The following SETD3 variants were observed in gnomAD, a reference collection of about 807,000 sequenced individuals.
SETD3 encodes the protein SET domain containing 3, actin N3(tau)-histidine methyltransferase, also known as actin-histidine N-methyltransferase.
In SETD3, 19 loss-of-function variants were observed where a neutral mutation model predicts 63.0. The observed-to-expected ratio is 0.30, with a 90% CI of 0.21 to 0.44. The LOEUF (loss-of-function observed/expected upper bound fraction) is 0.44, where lower values mean the gene tolerates loss of function less well. SETD3 is among the 20% of genes least tolerant of loss of function. The probability of loss-of-function intolerance (pLI) is 1.00; values close to 1 mark genes in which losing one functional copy is unlikely to be tolerated. For synonymous variants in SETD3, 286 were observed against 264.1 expected (o/e 1.08, Z -0.80); for missense variants, 587 against 728.5 (o/e 0.81, Z 2.24).
chr14:99,430,193 G>A (rs2139687651), intron 6 of SETD3, among the ~76,000 whole-genome samples: 1 of 152,292 alleles, frequency 6.6e-6, no homozygotes, highest in South Asian at 2.1e-4. Context: ...AAAGATCTCT[G>A]CTCTCTGAAT....
At chr14:99,436,485 T>C (rs1048516266) in intron 6 of SETD3, among the ~76,000 whole-genome samples, 3 of 152,128 alleles carry the variant, frequency 2.0e-5, no homozygotes, top group African/African-American at 7.2e-5. Flanking sequence ...CACCATCCAC[T>C]AGTACTCCCC....
At chr14:99,466,625 G>A (rs965840448) in intron 1 of SETD3, among the ~76,000 whole-genome samples, 1 of 151,972 alleles carries the variant, frequency 6.6e-6, no homozygotes, top group African/African-American at 2.4e-5. Context: ...TGGCGGGGGG[G>A]GGGGGGGGCA....
Position 99,463,551 on chromosome 14 carries a change from C to G in SETD3, c.131G>C (p.Gly44Ala). ...CTGCACATACTCTTCCCACTCTTTT[C>G]CTGGGCCAGGCGCCGGACTGCTGCA... The part of the protein sequence containing the change: ...QKCSSPAPGP[G>A]KEWEEYVQIR... The change falls in exon 3 of 13, where the codon GGA becomes GCA. Residue 44 changes from glycine to alanine, a missense_variant. Physicochemically the swap from Gly to Ala is moderately conservative, Grantham distance 60. Coordinates refer to ENST00000331768, the MANE Select transcript of SETD3 (RefSeq NM_032233.3). The G allele has an allele frequency of 6.2e-7, 1 of 1,614,108 alleles. No homozygotes were observed. Among genetic ancestry groups the G allele is most frequent in the Non-Finnish European group, 8.5e-7 (1 of 1,180,012 alleles).
chr14:99,477,213 T>C (rs1896018013), intron 1 of SETD3, among the ~76,000 whole-genome samples: 1 of 152,202 alleles, frequency 6.6e-6, no homozygotes, highest in Non-Finnish European at 1.5e-5. Flanking sequence ...AAGTCTTAAC[T>C]TTGGTATTTG....
intron 5 of SETD3, among the ~76,000 whole-genome samples, chr14:99,458,755 T>C (rs1037932280): frequency 1.9e-5 from 2 of 105,080 alleles, no homozygotes; most frequent in Admixed American, 1.3e-4. Context: ...CTGGGCAATA[T>C]AGCAAAACCC....
At chr14:99,415,273 AAGTT>A (rs1471826640) in intron 6 of SETD3, among the ~76,000 whole-genome samples, 3 of 152,198 alleles carry the variant, frequency 2.0e-5, no homozygotes, top group Non-Finnish European at 4.4e-5. Context: ...AAACTGTAGA[AAGTT>A]AGTAAGTTCC....
At chr14:99,473,497 G>T (rs1023672504) in intron 1 of SETD3, among the ~76,000 whole-genome samples, 3 of 152,040 alleles carry the variant, frequency 2.0e-5, no homozygotes, top group South Asian at 2.1e-4. Context: ...AAACATTTTT[G>T]ATTACACTTA....
At chr14:99,439,777 T>G (rs1414374645) in intron 6 of SETD3, among the ~76,000 whole-genome samples, 2 of 150,578 alleles carry the variant, frequency 1.3e-5, no homozygotes, top group African/African-American at 2.4e-5. Context: ...TACACATAAA[T>G]GTATGTATTT....
chr14:99,409,701 T>C (rs958506279), intron 8 of SETD3: 14 of 148,602 alleles, frequency 9.4e-5, no homozygotes, highest in Admixed American at 9.3e-4. Context: ...TCCACAAATA[T>C]GTATTATATT....
At chr14:99,425,795 G>GA (rs1170625047) in intron 6 of SETD3, among the ~76,000 whole-genome samples, 1 of 152,172 alleles carries the variant, frequency 6.6e-6, no homozygotes, top group African/African-American at 2.4e-5. Context: ...AGCACTTAAT[G>GA]AATCTACTGC....
chr14:99,407,366 T>G lies in SETD3; in HGVS notation c.850-776A>C, dbSNP rs28670027. Among the ~76,000 whole-genome samples the G allele has an allele frequency of 4.1e-3, 620 of 152,308 alleles. 3 individuals carry two copies. The highest frequency in any genetic ancestry group is 0.013 in the African/African-American group (558 of 41,574). On this transcript the variant is annotated intron_variant, in intron 8 of 12. Transcript: ENST00000331768. ...CGTCTCACCTGGTCAGCATTTCATCTTGTAAATACTGTTTGGACTTTCTTC... is the reference window on the plus strand; with the variant it reads ...CGTCTCACCTGGTCAGCATTTCATCGTGTAAATACTGTTTGGACTTTCTTC...
chr14:99,412,883 G>GC, intron 8 of SETD3, 68 bp downstream of exon 8: 1 of 1,103,662 alleles, frequency 9.1e-7, no homozygotes, highest in East Asian at 2.4e-5. Context: ...TGGAATAACA[G>GC]CCCCCTCCCA....
At chr14:99,405,581 C>T (rs757498279) in intron 9 of SETD3, among the ~76,000 whole-genome samples, 6 of 152,138 alleles carry the variant, frequency 3.9e-5, no homozygotes, top group Non-Finnish European at 7.3e-5. Context: ...CCCACTTCCA[C>T]CACCGTGTGG....
intron 1 of SETD3, among the ~76,000 whole-genome samples, chr14:99,471,844 A>G (rs924479815): frequency 1.3e-5 from 2 of 152,166 alleles, no homozygotes; most frequent in Non-Finnish European, 2.9e-5. Context: ...GCACAGGGAA[A>G]AGCTCCATGG....
rs573155953 is a variant in SETD3 at position 99,434,803 on chromosome 14, C to T, written c.676-20869G>A. Among the ~76,000 whole-genome samples the T allele has an allele frequency of 9.8e-5, 13 of 132,818 alleles. No individual in the cohort carries two copies. The South Asian group carries it at 2.1e-3, about 21-fold the overall frequency. 87.1% of individuals were successfully genotyped at this position (132,818 alleles called of 152,430 possible). On this transcript the variant is annotated intron_variant, in intron 6 of 12. Coordinates refer to ENST00000331768, the MANE Select transcript of SETD3 (RefSeq NM_032233.3). ...GAGAGGTTGTGATGAGCCGAGATCACGCCACTGCACTCCAGCCTGGGCAAC... is the reference window on the plus strand; with the variant it reads ...GAGAGGTTGTGATGAGCCGAGATCATGCCACTGCACTCCAGCCTGGGCAAC...
At chr14:99,416,357 G>A (rs1047144449) in intron 6 of SETD3, among the ~76,000 whole-genome samples, 12 of 152,174 alleles carry the variant, frequency 7.9e-5, no homozygotes, top group East Asian at 5.8e-4. Flanking sequence ...AAGCTCATAC[G>A]TTATACAAAA....
chr14:99,476,142 T>C (rs1895960401), intron 1 of SETD3, among the ~76,000 whole-genome samples: 1 of 152,226 alleles, frequency 6.6e-6, no homozygotes, highest in African/African-American at 2.4e-5. Flanking sequence ...CCTTCACAGA[T>C]GAGAAAGCTG....
rs1053379605 is a variant in SETD3 at position 99,397,796 on chromosome 14, T to C, written c.*883A>G. The C allele has an allele frequency of 9.2e-5, 14 of 152,308 alleles. No individual in the cohort carries two copies. The highest frequency in any genetic ancestry group is 3.4e-4 in the African/African-American group (14 of 41,454). 9.4% of individuals were successfully genotyped at this position (152,308 alleles called of 1,614,324 possible). ...AGGGTTTTTACTCAAAAGTGTAGCT[T>C]TGAAAATCTCTAGCTTGTTGTGAAA... On this transcript the variant is annotated 3_prime_UTR_variant, in exon 13 of 13. Transcript: ENST00000331768.
chr14:99,411,322 T>TA (rs572268814), intron 8 of SETD3: 2 of 152,140 alleles, frequency 1.3e-5, no homozygotes, highest in African/African-American at 2.4e-5. Context: ...CTTTTTTTTT[T>TA]AACACTTGGT....
Sources: allele counts gnomAD v4.1 joint callset (sites outside exome capture counted in the v4.1 genomes callset), GRCh38; gene constraint gnomAD v4.1.1; transcripts MANE v1.5; gene names NCBI Gene and HGNC (gene_info 2026-07-23, HGNC 2026-07-21).